ATP1A1: variants seen among roughly 807,000 people sequenced by gnomAD.
ATP1A1 encodes ATPase Na+/K+ transporting subunit alpha 1.
Under a neutral mutation model 114.8 loss-of-function variants are expected in ATP1A1, and 14 were observed. That is an observed-to-expected ratio of 0.12 (90% CI 0.08 to 0.19). The LOEUF (loss-of-function observed/expected upper bound fraction) is 0.19. Ranked by LOEUF, ATP1A1 falls within the 10% of genes least tolerant of loss-of-function variation. The pLI is 1.00. For synonymous variants in ATP1A1, 471 were observed against 466.3 expected (o/e 1.01, Z -0.13); for missense variants, 524 against 1,290.7 (o/e 0.41, Z 9.10).
intron 1 of ATP1A1, among the ~76,000 whole-genome samples, chr1:116,375,194 C>T (rs1359515347): frequency 6.6e-6 from 1 of 152,196 alleles, no homozygotes. Flanking sequence ...AGATGTGTGC[C>T]CCAAGCCTAG....
At position 116,397,016 on chromosome 1, in the gene ATP1A1, C is replaced by T. The variant is rs1012455257; in HGVS notation, c.1973+282C>T. Among the ~76,000 whole-genome samples, 1 of 152,122 alleles carries T rather than the reference C, an allele frequency of 6.6e-6. No homozygotes were observed. The highest frequency in any genetic ancestry group is 6.5e-5 in the Admixed American group (1 of 15,270). On this transcript the variant is annotated intron_variant, in intron 14 of 22. Coordinates refer to ENST00000295598, the MANE Select transcript of ATP1A1 (RefSeq NM_000701.8). The surrounding 1 kb of genome is among the most constrained non-coding windows in gnomAD (Gnocchi z 4.2). The stretch of plus-strand genomic sequence containing the variant: ...AAGGATTCAAGAGGCTTTTGAAGTA[C>T]CTCAGAACTGGTGAAATCATGCAGT...
rs368766915 is a variant in ATP1A1 at position 116,393,760 on chromosome 1, G to A, written c.1660+37G>A. 30 of 1,586,662 alleles carry A rather than the reference G, an allele frequency of 1.9e-5. 3 individuals carry two copies. In the South Asian group the frequency reaches 2.4e-4, roughly 13 times the overall value. On this transcript the variant is annotated intron_variant, in intron 12 of 22. Transcript: ENST00000295598. This position sits in a 1 kb window ranked among gnomAD's most constrained non-coding sequence, Gnocchi z 5.0. Reference sequence around the variant, plus strand: ...ACCTGGTAACAGAGTGCCTGGGCACGTTTTTATCCAGTAACCTAGTCTGGT... The same window carrying A: ...ACCTGGTAACAGAGTGCCTGGGCACATTTTTATCCAGTAACCTAGTCTGGT...
At chr1:116,396,571 T>C in intron 13 of ATP1A1, 27 bp from the exon 14 acceptor site, 1 of 1,612,060 alleles carries the variant, frequency 6.2e-7, no homozygotes, top group Non-Finnish European at 8.5e-7. Context: ...GGCAGTTGCA[T>C]TCAACACATT....
At chr1:116,400,316 G>C (rs41368849) in intron 18 of ATP1A1, among the ~76,000 whole-genome samples, 16,186 of 152,220 alleles carry the variant, frequency 0.11, 2,535 homozygotes, top group African/African-American at 0.34. Flanking sequence ...GCCTGCTTTT[G>C]AGAGGAAGGA....
chr1:116,383,483 C>A, intron 1 of ATP1A1: 1 of 512,836 alleles, frequency 1.9e-6, no homozygotes, highest in Non-Finnish European at 2.5e-6. Flanking sequence ...TGGCACTATT[C>A]TTTATCTCCA....
chr1:116,385,259 T>G lies in ATP1A1; in HGVS notation c.183+417T>G. 5.2e-6 allele frequency: 1 copy of G among 192,654 alleles called. No homozygotes were observed. Among genetic ancestry groups the G allele is most frequent in the South Asian group, 9.2e-5 (1 of 10,896 alleles). The allele number at this position is 192,654 out of a possible 1,614,324, so 11.9% of individuals were successfully genotyped here. On this transcript the variant is annotated intron_variant, in intron 3 of 22. Coordinates refer to ENST00000295598, the MANE Select transcript of ATP1A1 (RefSeq NM_000701.8). This position sits in a 1 kb window ranked among gnomAD's most constrained non-coding sequence, Gnocchi z 4.3. ...TTTTCCCAGCTAGCCCATTGCAGTGTGTTATGGTTATACTATCATTTGTTT... is the reference window on the plus strand; with the variant it reads ...TTTTCCCAGCTAGCCCATTGCAGTGGGTTATGGTTATACTATCATTTGTTT...
chr1:116,403,015 C>T (rs1653639851), intron 21 of ATP1A1, among the ~76,000 whole-genome samples: 1 of 152,206 alleles, frequency 6.6e-6, no homozygotes, highest in Non-Finnish European at 1.5e-5. Flanking sequence ...GGTCACAGAG[C>T]TTTCCAAAAA....
rs995414423 is a variant in ATP1A1, at chr1:116,381,875, G to A, written c.13-2139G>A. Among the ~76,000 whole-genome samples the A allele has an allele frequency of 8.5e-5, 13 of 152,174 alleles. No individual in the cohort carries two copies. The highest frequency in any genetic ancestry group is 2.4e-4 in the African/African-American group (10 of 41,428). On this transcript the variant is annotated intron_variant, in intron 1 of 22. Transcript: ENST00000295598. The surrounding 1 kb of genome is among the most constrained non-coding windows in gnomAD (Gnocchi z 5.1). ...CTTGCTCAGAGAGAATCCGTGAGCT[G>A]TATTTTAAAAATCAATACAGGCTGG...
intron 1 of ATP1A1, 129 bp downstream of exon 1, chr1:116,373,652 C>T (rs1443670706): frequency 3.6e-6 from 4 of 1,124,012 alleles, no homozygotes; most frequent in East Asian, 3.3e-5. Flanking sequence ...AGTGGGCTGG[C>T]AGAGCCGCGC....
At position 116,381,603 on chromosome 1, in the gene ATP1A1, G is replaced by A. The variant is rs372870625; in HGVS notation, c.13-2411G>A. Among the ~76,000 whole-genome samples the A allele has an allele frequency of 4.6e-5, 7 of 152,312 alleles. No individual in the cohort carries two copies. The South Asian group carries it at 1.4e-3, about 32-fold the overall frequency. ...CATGAATGGATAAAGAAAAAGGAGA[G>A]TTATTAGGGAATCTAAATTCCCAAC... On this transcript the variant is annotated intron_variant, in intron 1 of 22. Transcript: ENST00000295598. This position sits in a 1 kb window ranked among gnomAD's most constrained non-coding sequence, Gnocchi z 5.1.
intron 1 of ATP1A1, among the ~76,000 whole-genome samples, chr1:116,375,364 T>C (rs921301149): frequency 6.6e-6 from 1 of 152,208 alleles, no homozygotes; most frequent in Non-Finnish European, 1.5e-5. Context: ...ACGGGGTATT[T>C]GTGATGTTGA....
chr1:116,399,398 CCTT>C lies in ATP1A1; in HGVS notation c.2449-19_2449-17del. 2 of 1,607,264 alleles carry C rather than the reference CCTT, an allele frequency of 1.2e-6. No individual in the cohort carries two copies. Among genetic ancestry groups the C allele is most frequent in the Non-Finnish European group, 1.7e-6 (2 of 1,177,742 alleles). The stretch of plus-strand genomic sequence containing the variant: ...CTTCCTTATTTTTAGTAACTAAATT[CCTT>C]CTCCCCACCCCTTCCCAGGTTCCTG... On this transcript the variant is annotated intron_variant, in intron 17 of 22. Transcript: ENST00000295598. The surrounding 1 kb of genome is among the most constrained non-coding windows in gnomAD (Gnocchi z 5.0).
chr1:116,392,807 A>T, intron 10 of ATP1A1, 47 bp from the exon 11 acceptor site: 1 of 1,584,046 alleles, frequency 6.3e-7, no homozygotes, highest in Non-Finnish European at 8.6e-7. Context: ...GTGATGCCTC[A>T]GTGAAATTTT....
rs1570954235 is a variant in ATP1A1, at chr1:116,387,636, A to G, written c.387+145A>G. On this transcript the variant is annotated intron_variant, in intron 4 of 22. Coordinates refer to ENST00000295598, the MANE Select transcript of ATP1A1 (RefSeq NM_000701.8). This position sits in a 1 kb window ranked among gnomAD's most constrained non-coding sequence, Gnocchi z 6.7. ...TGGTTATGAACAGCTGTTGCCTTCA[A>G]GGCTCATCCATTCTTCCTTCGTTTC... 2.1e-6 allele frequency: 2 copies of G among 935,322 alleles called. No homozygotes were observed. Among genetic ancestry groups the G allele is most frequent in the South Asian group, 3.5e-5 (2 of 57,698 alleles). The allele number at this position is 935,322 out of a possible 1,614,324, so 57.9% of individuals were successfully genotyped here.
Position 116,387,276 on chromosome 1 carries a change from A to C in ATP1A1, c.184-12A>C. 6.2e-7 allele frequency: 1 copy of C among 1,613,720 alleles called. No homozygotes were observed. The highest frequency in any genetic ancestry group is 8.5e-7 in the Non-Finnish European group (1 of 1,179,958). ...GTACAGTTTGCCTTATTTATATTCC[A>C]CTGCTTCTCAGGGATTAACATCTGC... On this transcript the variant is annotated splice_polypyrimidine_tract_variant and intron_variant, in intron 3 of 22. Coordinates refer to ENST00000295598, the MANE Select transcript of ATP1A1 (RefSeq NM_000701.8). This position sits in a 1 kb window ranked among gnomAD's most constrained non-coding sequence, Gnocchi z 6.7.
At chr1:116,382,556 C>G (rs1651816299) in intron 1 of ATP1A1, 1 of 152,284 alleles carries the variant, frequency 6.6e-6, no homozygotes, top group African/African-American at 2.4e-5. Context: ...AGTTATTAGT[C>G]AAGTAGTGCT....
chr1:116,380,895 T>C (rs1041382801), intron 1 of ATP1A1, among the ~76,000 whole-genome samples: 2 of 151,884 alleles, frequency 1.3e-5, no homozygotes, highest in African/African-American at 4.8e-5. Flanking sequence ...GCCCTTGCTG[T>C]GACTTTCCAC....
In ATP1A1 at chr1:116,397,809, G is replaced by A; in HGVS notation, c.1974-79G>A. 10 of 1,506,120 alleles carry A rather than the reference G, an allele frequency of 6.6e-6. No individual in the cohort carries two copies. The highest frequency in any genetic ancestry group is 9.0e-6 in the Non-Finnish European group (10 of 1,117,264). The allele number at this position is 1,506,120 out of a possible 1,614,324, so 93.3% of individuals were successfully genotyped here. Reference sequence around the variant, plus strand: ...TTTGTTTACAAAGTGATCTGCATAAGAATATCCCCTCTTGAGGTGATGGAC... The same window carrying A: ...TTTGTTTACAAAGTGATCTGCATAAAAATATCCCCTCTTGAGGTGATGGAC... On this transcript the variant is annotated intron_variant, in intron 14 of 22. Transcript: ENST00000295598. The surrounding 1 kb of genome is among the most constrained non-coding windows in gnomAD (Gnocchi z 4.2).
intron 9 of ATP1A1, 21 bp downstream of exon 9, chr1:116,390,432 C>T (rs1570958520): frequency 6.3e-7 from 1 of 1,592,836 alleles, no homozygotes; most frequent in East Asian, 2.3e-5. Context: ...GGTTACCACA[C>T]ACCTCAGCCA....
Sources: allele counts gnomAD v4.1 joint callset (sites outside exome capture counted in the v4.1 genomes callset), GRCh38; gene constraint gnomAD v4.1.1; non-coding constraint Gnocchi (gnomAD v3.1); transcripts MANE v1.5; gene names NCBI Gene and HGNC (gene_info 2026-07-23, HGNC 2026-07-21).